The following SEC63 variants were observed in gnomAD, a reference collection of about 807,000 sequenced individuals.
SEC63 encodes the protein SEC63 protein translocation regulator.
SEC63 carries 56 observed loss-of-function variants against 116.2 expected under a neutral mutation model. That is an observed-to-expected ratio of 0.48 (90% CI 0.39 to 0.60). The LOEUF (loss-of-function observed/expected upper bound fraction) is 0.60, where lower values mean the gene tolerates loss of function less well. Among genes scored for constraint, SEC63 ranks in the 20% least tolerant of loss-of-function variants. The pLI is 0.00. For synonymous variants in SEC63, 273 were observed against 294.6 expected (o/e 0.93, Z 0.75); for missense variants, 668 against 900.0 (o/e 0.74, Z 3.30).
At chr6:107,943,644 G>A (rs1294036747) in intron 1 of SEC63, among the ~76,000 whole-genome samples, 1 of 152,154 alleles carries the variant, frequency 6.6e-6, no homozygotes, top group Non-Finnish European at 1.5e-5. Context: ...CAGGGAAGAT[G>A]GCATCTGAGC....
In SEC63 at chr6:107,901,383, A is replaced by G; in HGVS notation, c.1344T>C (p.Asp448=). Residue 448 remains aspartate, a synonymous_variant, in exon 13 of 21, where the codon GAT becomes GAC. Transcript: ENST00000369002. ...CCTCCCACTTACCCTGTGATTTTAT[A>G]TCCATGGTCACATATGGAAAACTCC... ...VLGSFPYVTM[D]IKSQVLDDED... 6.2e-7 allele frequency: 1 copy of G among 1,612,998 alleles called. No homozygotes were observed. The highest frequency in any genetic ancestry group is 8.5e-7 in the Non-Finnish European group (1 of 1,179,750).
chr6:107,912,566 T>C (rs966039494), intron 6 of SEC63, 150 bp downstream of exon 6: 10 of 663,700 alleles, frequency 1.5e-5, no homozygotes, highest in African/African-American at 9.1e-5. Flanking sequence ...GCCTGGGCAA[T>C]AGAGCAAGAC....
rs969820686 is a variant in SEC63, at chr6:107,870,452, T to G, written c.*1252A>C. The G allele has an allele frequency of 6.6e-6, 1 of 152,636 alleles. No homozygotes were observed. Among genetic ancestry groups the G allele is most frequent in the African/African-American group, 2.4e-5 (1 of 41,458 alleles). The allele number at this position is 152,636 out of a possible 1,614,324, so 9.5% of individuals were successfully genotyped here. A position where few individuals can be genotyped will look rare whatever the true frequency, so the allele number is the denominator to read the frequency against. On this transcript the variant is annotated 3_prime_UTR_variant, in exon 21 of 21. Coordinates refer to ENST00000369002, the MANE Select transcript of SEC63 (RefSeq NM_007214.5). The stretch of plus-strand genomic sequence containing the variant: ...AACAATATTTTGACCTATGGAGATT[T>G]TGATAGGAAAGAATTATTACAATCA...
chr6:107,902,018 TA>T (rs1787016399), intron 12 of SEC63, among the ~76,000 whole-genome samples: 1 of 152,158 alleles, frequency 6.6e-6, no homozygotes, highest in Non-Finnish European at 1.5e-5. Flanking sequence ...ATTACTACAG[TA>T]ATATCCATCT....
chr6:107,888,582 A>C (rs1259667053), intron 16 of SEC63, among the ~76,000 whole-genome samples: 3 of 152,110 alleles, frequency 2.0e-5, no homozygotes, highest in South Asian at 2.1e-4. Flanking sequence ...AACACTCTTT[A>C]TTTCTTTCTC....
In SEC63 at chr6:107,869,767, TG is replaced by T. The variant is rs535127807; in HGVS notation, c.*1936del. On this transcript the variant is annotated 3_prime_UTR_variant, in exon 21 of 21. Coordinates refer to ENST00000369002, the MANE Select transcript of SEC63 (RefSeq NM_007214.5). ...ACAAACTGGTGGAATTTTCTGGTGA[TG>T]GTAGTTTTTTTTTTTTTTTTTTTTT... 5.3e-3 allele frequency: 379 copies of T among 71,098 alleles called. 2 individuals carry two copies. The highest frequency in any genetic ancestry group is 0.021 in the African/African-American group (362 of 17,576). 4.4% of individuals were successfully genotyped at this position (71,098 alleles called of 1,614,324 possible).
intron 16 of SEC63, among the ~76,000 whole-genome samples, chr6:107,890,342 T>C (rs1786650996): frequency 1.3e-5 from 2 of 152,242 alleles, no homozygotes; most frequent in South Asian, 4.1e-4. Context: ...TTGTCTCTTT[T>C]GATCTTTGTT....
In SEC63 at chr6:107,944,865, C is replaced by T. The variant is rs1006350076; in HGVS notation, c.124+13021G>A. 3.9e-5 allele frequency among the ~76,000 whole-genome samples: 6 copies of T among 151,910 alleles called. No individual in the cohort carries two copies. The East Asian group carries it at 5.8e-4, about 15-fold the overall frequency. On this transcript the variant is annotated intron_variant, in intron 1 of 20. Coordinates refer to ENST00000369002, the MANE Select transcript of SEC63 (RefSeq NM_007214.5). Reference sequence around the variant, plus strand: ...CATTGTATCATCTGCTGTACCTGTACGGTCAAACAGTGAACGCTTAATCAG... The same window carrying T: ...CATTGTATCATCTGCTGTACCTGTATGGTCAAACAGTGAACGCTTAATCAG...
chr6:107,911,562 T>C (rs1787284503), intron 6 of SEC63, among the ~76,000 whole-genome samples, 166 bp from the exon 7 acceptor site: 1 of 152,170 alleles, frequency 6.6e-6, no homozygotes, highest in African/African-American at 2.4e-5. Context: ...GTACCATTAT[T>C]ACCCTCCTTT....
intron 19 of SEC63, among the ~76,000 whole-genome samples, chr6:107,875,564 A>G (rs935692579): frequency 2.6e-5 from 4 of 152,060 alleles, no homozygotes; most frequent in Admixed American, 2.0e-4. Flanking sequence ...GGGCGTGGCT[A>G]ATTTTTACGG....
intron 10 of SEC63, among the ~76,000 whole-genome samples, chr6:107,906,108 G>A (rs553235454): frequency 1.3e-5 from 2 of 152,198 alleles, no homozygotes; most frequent in East Asian, 1.9e-4. Context: ...TGCTGTTCTC[G>A]AGATACACTT....
chr6:107,896,445 G>A (rs1235758831), intron 14 of SEC63, among the ~76,000 whole-genome samples: 1 of 151,974 alleles, frequency 6.6e-6, no homozygotes, highest in East Asian at 1.9e-4. Flanking sequence ...CAGCCTGGGT[G>A]ACAGAGCTAG....
chr6:107,954,864 T>C (rs750350430), intron 1 of SEC63: 1 of 152,184 alleles, frequency 6.6e-6, no homozygotes, highest in Non-Finnish European at 1.5e-5. Flanking sequence ...AAGAAAAAAG[T>C]CCAAGTGGTG....
At chr6:107,925,175 A>C (rs897634861) in intron 2 of SEC63, among the ~76,000 whole-genome samples, 1 of 152,210 alleles carries the variant, frequency 6.6e-6, no homozygotes, top group Non-Finnish European at 1.5e-5. Flanking sequence ...TACTATTTGC[A>C]CAATTTTAAA....
chr6:107,906,591 TA>T lies in SEC63; in HGVS notation c.829-12del. ...AATTTCTCTGATTAGCTAGAATAAA[TA>T]AAATAATTATTCAAAAACACGCTTT... On this transcript the variant is annotated splice_polypyrimidine_tract_variant and intron_variant, in intron 9 of 20. Transcript: ENST00000369002. The T allele has an allele frequency of 2.5e-6, 4 of 1,610,820 alleles. No individual in the cohort carries two copies. Among genetic ancestry groups the T allele is most frequent in the Non-Finnish European group, 3.4e-6 (4 of 1,177,214 alleles).
intron 2 of SEC63, among the ~76,000 whole-genome samples, chr6:107,928,396 G>A (rs1787724692): frequency 1.3e-5 from 2 of 151,928 alleles, no homozygotes; most frequent in African/African-American, 4.8e-5. Context: ...GGCTGAGGTG[G>A]GAGGATGCCT....
chr6:107,892,927 T>C (rs1786717451), intron 16 of SEC63, among the ~76,000 whole-genome samples: 1 of 152,284 alleles, frequency 6.6e-6, no homozygotes, highest in South Asian at 2.1e-4. Flanking sequence ...GAGTTAAGCA[T>C]GCACCTACTT....
Position 107,894,771 on chromosome 6 carries a change from CT to C in SEC63, c.1441-875del, listed in dbSNP as rs113950083. 2.9e-3 allele frequency among the ~76,000 whole-genome samples: 421 copies of C among 146,008 alleles called. 1 individual carries two copies. The highest frequency in any genetic ancestry group is 0.013 in the South Asian group (60 of 4,634). The stretch of plus-strand genomic sequence containing the variant: ...ACTCTGAACAGTCCACACCACTTGC[CT>C]TTTTTTTTTTTTTAAAGACAGTGGT... On this transcript the variant is annotated intron_variant, in intron 14 of 20. Transcript: ENST00000369002.
intron 7 of SEC63, among the ~76,000 whole-genome samples, chr6:107,910,239 G>C (rs1787243727): frequency 6.6e-6 from 1 of 152,146 alleles, no homozygotes; most frequent in Non-Finnish European, 1.5e-5. Context: ...GCCGAGGCAG[G>C]ATAATCGTTT....
Sources: gnomAD v4.1 joint callset for allele counts (sites outside exome capture counted in the v4.1 genomes callset) on GRCh38, gnomAD v4.1.1 for gene constraint, MANE v1.5 for transcripts, NCBI Gene and HGNC (gene_info 2026-07-23, HGNC 2026-07-21) for gene names.